TDRD12: variants seen among roughly 807,000 people sequenced by gnomAD.
The protein encoded by TDRD12 is putative ATP-dependent RNA helicase TDRD12.
A neutral mutation model predicts 133.5 loss-of-function variants in TDRD12; 158 were observed. The observed-to-expected ratio is 1.18, with a 90% CI of 1.04 to 1.35. The LOEUF (loss-of-function observed/expected upper bound fraction) is 1.35, where lower values mean the gene tolerates loss of function less well. TDRD12 is among the 40% of genes most tolerant of loss of function. TDRD12 has a pLI of 0.00. For missense variants in TDRD12, 1,443 were observed against 1,321.3 expected (o/e 1.09, Z -1.43); for synonymous variants, 460 against 477.9 (o/e 0.96, Z 0.49).
At chr19:32,726,772 G>T (rs1968877169) in intron 1 of TDRD12, among the ~76,000 whole-genome samples, 1 of 152,026 alleles carries the variant, frequency 6.6e-6, no homozygotes, top group South Asian at 2.1e-4. Context: ...TTTAAAAAAA[G>T]AATTTCCTTC....
At chr19:32,825,951 T>C, downstream of TDRD12, 1 of 543,196 alleles carries the variant, frequency 1.8e-6, no homozygotes, top group Non-Finnish European at 3.1e-6. The surrounding 1 kb of genome is among the most constrained non-coding windows in gnomAD (Gnocchi z 4.1). Flanking sequence ...TCTTTGCAGC[T>C]AGATACTAGG....
chr19:32,750,550 G>GC (rs1265489421), intron 6 of TDRD12, among the ~76,000 whole-genome samples: 5 of 152,228 alleles, frequency 3.3e-5, no homozygotes, highest in Non-Finnish European at 7.3e-5. Flanking sequence ...CCACAGTACA[G>GC]TTTTTAAAAC....
intron 14 of TDRD12, among the ~76,000 whole-genome samples, chr19:32,796,924 T>C (rs1373976832): frequency 6.6e-6 from 1 of 151,586 alleles, no homozygotes; most frequent in Non-Finnish European, 1.5e-5. Flanking sequence ...AGGAGTTACC[T>C]GTCGGCTTGC....
chr19:32,733,981 T>G (rs1969143022), intron 2 of TDRD12, among the ~76,000 whole-genome samples: 1 of 151,414 alleles, frequency 6.6e-6, no homozygotes, highest in Non-Finnish European at 1.5e-5. Flanking sequence ...AAGCCCCACC[T>G]CCCGGGTTCA....
intron 2 of TDRD12, 49 bp downstream of exon 2, chr19:32,731,932 A>G: frequency 6.9e-7 from 1 of 1,459,600 alleles, no homozygotes; most frequent in South Asian, 1.4e-5. Context: ...ACACCACTCA[A>G]AATATAAACT....
chr19:32,733,428 C>G (rs1969121862), intron 2 of TDRD12, among the ~76,000 whole-genome samples: 1 of 151,500 alleles, frequency 6.6e-6, no homozygotes, highest in Admixed American at 6.6e-5. Flanking sequence ...CGAGATCACG[C>G]CATTGCACTC....
At chr19:32,818,205 G>A in intron 27 of TDRD12, 48 bp downstream of exon 27, 2 of 683,026 alleles carry the variant, frequency 2.9e-6, no homozygotes, top group Non-Finnish European at 5.3e-6. Context: ...CAGGGACAGG[G>A]GGCCATGTGT....
At chr19:32,808,664 C>A (rs1028372887) in intron 22 of TDRD12, among the ~76,000 whole-genome samples, 2 of 152,220 alleles carry the variant, frequency 1.3e-5, no homozygotes, top group African/African-American at 4.8e-5. Context: ...CATGGACATA[C>A]CTCTTTTGGG....
intron 19 of TDRD12, among the ~76,000 whole-genome samples, chr19:32,802,263 T>A (rs1396938432): frequency 6.7e-6 from 1 of 148,770 alleles, no homozygotes; most frequent in Non-Finnish European, 1.5e-5. Flanking sequence ...AGTGATCATA[T>A]ATATGATCAT....
At chr19:32,806,817 A>G (rs1021427091) in intron 21 of TDRD12, among the ~76,000 whole-genome samples, 2 of 151,856 alleles carry the variant, frequency 1.3e-5, no homozygotes, top group South Asian at 2.1e-4. Context: ...ACCTGCCACC[A>G]TGCGCAGCTA....
intron 11 of TDRD12, among the ~76,000 whole-genome samples, chr19:32,782,585 A>G (rs989128672): frequency 6.6e-6 from 1 of 152,234 alleles, no homozygotes; most frequent in Non-Finnish European, 1.5e-5. Context: ...TCCCACCAAC[A>G]GTATAAAAGC....
rs906207990 is a variant in TDRD12, at chr19:32,733,582, T to C, written c.183+1699T>C. On this transcript the variant is annotated intron_variant, in intron 2 of 27. Coordinates refer to ENST00000444215, the Ensembl canonical transcript of TDRD12. ...AAGAATAGGTGTACTGTGAACTTCA[T>C]GTGAACTTCATGTTGAATTGAGAGA... is the stretch of plus-strand genomic sequence containing the variant. 3.3e-5 allele frequency among the ~76,000 whole-genome samples: 5 copies of C among 152,174 alleles called. No homozygotes were observed. In the East Asian group the frequency reaches 5.8e-4, roughly 18 times the overall value.
At chr19:32,813,541 G>A in intron 24 of TDRD12, 143 bp from the exon 25 acceptor site, 1 of 574,690 alleles carries the variant, frequency 1.7e-6, no homozygotes, top group Non-Finnish European at 3.1e-6. Context: ...GTGGACGAGA[G>A]GGGGTGATGA....
chr19:32,756,949 C>T, intron 7 of TDRD12, 89 bp from the exon 8 acceptor site: 1 of 1,160,738 alleles, frequency 8.6e-7, no homozygotes, highest in Non-Finnish European at 1.3e-6. Flanking sequence ...AGAGCAAAAG[C>T]AAGAGCAGAA....
chr19:32,818,184 T>A, intron 27 of TDRD12, 27 bp downstream of exon 27: 1 of 693,430 alleles, frequency 1.4e-6, no homozygotes, highest in Non-Finnish European at 2.6e-6. Flanking sequence ...CAGAGCTTCC[T>A]CCCAGAATGC....
chr19:32,827,072 G>A, intron 9 of TDRD12, 92 bp from the exon 33 acceptor site: 1 of 598,270 alleles, frequency 1.7e-6, no homozygotes, highest in Non-Finnish European at 2.4e-6. Context: ...GGAACCCAAG[G>A]CATTTTTTTC....
At chr19:32,826,190 C>T (rs992178629), downstream of TDRD12, 12 of 1,531,032 alleles carry the variant, frequency 7.8e-6, no homozygotes, top group South Asian at 1.2e-5. Flanking sequence ...GAGGAGTCGG[C>T]GTCCCTTACC....
intron 6 of TDRD12, among the ~76,000 whole-genome samples, chr19:32,753,670 A>ATTTTTTTT (rs61178379): frequency 1.5e-5 from 2 of 130,482 alleles, no homozygotes; most frequent in African/African-American, 2.9e-5. Context: ...CACCTGGCTA[A>ATTTTTTTT]TTTTTTTTTT....
chr19:32,772,777 A>T, exon 9 of TDRD12: 2 of 1,516,800 alleles, frequency 1.3e-6, no homozygotes, highest in Non-Finnish European at 1.8e-6. Flanking sequence ...TGTAATATGG[A>T]TTCATTGAGA....
Sources: allele counts gnomAD v4.1 joint callset (sites outside exome capture counted in the v4.1 genomes callset), GRCh38; gene constraint gnomAD v4.1.1; non-coding constraint Gnocchi (gnomAD v3.1); transcripts MANE v1.5; gene names NCBI Gene and HGNC (gene_info 2026-07-23, HGNC 2026-07-21).